Variants in EYS observed in about 807,000 individuals in gnomAD.
EYS encodes the protein protein eyes shut homolog.
Under a neutral mutation model 282.1 loss-of-function variants are expected in EYS, and 250 were observed. The observed-to-expected ratio is 0.89, with a 90% CI of 0.80 to 0.98. EYS has a LOEUF of 0.98. Ranked by LOEUF, EYS falls within the 50% of genes least tolerant of loss-of-function variation. EYS has a pLI of 0.00. For missense variants in EYS, 4,016 were observed against 3,709.0 expected, an observed-to-expected ratio of 1.08 and a Z score of -2.15; for synonymous variants, 1,355 against 1,282.9, an observed-to-expected ratio of 1.06 and a Z score of -1.20.
At chr6:65,115,504 T>G (rs1163683871) in intron 12 of EYS, among the ~76,000 whole-genome samples, 1 of 152,030 alleles carries the variant, frequency 6.6e-6, no homozygotes, top group East Asian at 1.9e-4. Context: ...ATCACATGCT[T>G]TGAAAAAAAT....
chr6:63,740,161 G>A (rs1427557117), intron 41 of EYS, among the ~76,000 whole-genome samples: 1 of 152,180 alleles, frequency 6.6e-6, no homozygotes, highest in Non-Finnish European at 1.5e-5. Context: ...GATATGGTTT[G>A]GCTGTGTCCC....
At chr6:65,298,399 G>C (rs1171236485) in intron 11 of EYS, among the ~76,000 whole-genome samples, 1 of 151,852 alleles carries the variant, frequency 6.6e-6, no homozygotes, top group Non-Finnish European at 1.5e-5. Flanking sequence ...GAAAATTTGG[G>C]GTAGAAACTA....
chr6:64,620,304 C>A (rs76377996), intron 23 of EYS, among the ~76,000 whole-genome samples: 1 of 152,092 alleles, frequency 6.6e-6, no homozygotes, highest in Non-Finnish European at 1.5e-5. Flanking sequence ...AGGCAGCTGC[C>A]GTTTCAATGC....
intron 35 of EYS, among the ~76,000 whole-genome samples, chr6:63,921,147 C>T (rs1208078352): frequency 6.6e-6 from 1 of 152,172 alleles, no homozygotes; most frequent in Non-Finnish European, 1.5e-5. Context: ...CTGCCCGCCT[C>T]GGCATCCCAA....
chr6:64,604,042 C>CT (rs1341648836), intron 24 of EYS, among the ~76,000 whole-genome samples: 18 of 151,902 alleles, frequency 1.2e-4, no homozygotes, highest in African/African-American at 2.4e-5. Context: ...TTATTTCTCT[C>CT]TTTTTTTATT....
intron 12 of EYS, among the ~76,000 whole-genome samples, chr6:65,160,785 C>T (rs555863001): frequency 2.6e-5 from 4 of 150,970 alleles, no homozygotes; most frequent in African/African-American, 9.7e-5. Flanking sequence ...TATGTAAATT[C>T]CATATACCTG....
Position 64,382,869 on chromosome 6 carries a change from GAA to G in EYS, c.6078+5819_6078+5820del, listed in dbSNP as rs534143045. On this transcript the variant is annotated intron_variant, in intron 29 of 42. Transcript: ENST00000503581. The stretch of plus-strand genomic sequence containing the variant: ...AAAGATGCATCAGAGTAAAAAATGG[GAA>G]GAGTGGTGGGTGGGAAAAAGTGGAG... Among the ~76,000 whole-genome samples the G allele has an allele frequency of 2.4e-4, 37 of 152,296 alleles. 1 individual carries two copies. The South Asian group carries it at 2.7e-3, about 11-fold the overall frequency.
chr6:64,541,922 G>A (rs949877112), intron 26 of EYS, among the ~76,000 whole-genome samples: 6 of 152,130 alleles, frequency 3.9e-5, no homozygotes, highest in African/African-American at 1.4e-4. Flanking sequence ...TATTAAATAA[G>A]GAAGTGCTCT....
At chr6:64,452,800 A>G (rs903471509) in intron 26 of EYS, among the ~76,000 whole-genome samples, 1 of 152,222 alleles carries the variant, frequency 6.6e-6, no homozygotes, top group African/African-American at 2.4e-5. Flanking sequence ...AAAACTGGCT[A>G]GCCATATGTA....
intron 13 of EYS, among the ~76,000 whole-genome samples, chr6:65,010,276 T>C (rs773154728): frequency 8.5e-5 from 13 of 152,334 alleles, no homozygotes; most frequent in Middle Eastern, 3.4e-3. Context: ...GCTTAGTATC[T>C]GAAGCAGTTA....
At chr6:64,613,695 A>C (rs1333613683) in intron 24 of EYS, among the ~76,000 whole-genome samples, 1 of 152,102 alleles carries the variant, frequency 6.6e-6, no homozygotes, top group Non-Finnish European at 1.5e-5. Context: ...CTCAGTGTGT[A>C]CGAGCTTGAG....
intron 22 of EYS, among the ~76,000 whole-genome samples, chr6:64,731,764 G>A (rs1373401184): frequency 6.6e-6 from 1 of 152,092 alleles, no homozygotes; most frequent in East Asian, 1.9e-4. Context: ...GATTCCTGAA[G>A]GATCTAGAAC....
intron 14 of EYS, among the ~76,000 whole-genome samples, chr6:64,989,107 G>T (rs966013579): frequency 1.1e-4 from 17 of 151,228 alleles, no homozygotes; most frequent in African/African-American, 4.1e-4. Flanking sequence ...CATTTAATTT[G>T]TGTAACAATT....
intron 28 of EYS, among the ~76,000 whole-genome samples, chr6:64,435,532 C>G (rs1172596672): frequency 1.3e-5 from 2 of 150,050 alleles, no homozygotes; most frequent in Non-Finnish European, 1.5e-5. Context: ...TACATACCAG[C>G]TTATGGCTGT....
chr6:65,539,984 T>A (rs1207282153), intron 2 of EYS, among the ~76,000 whole-genome samples: 1 of 152,234 alleles, frequency 6.6e-6, no homozygotes, highest in Non-Finnish European at 1.5e-5. Context: ...AGCCTTGTTT[T>A]AACATTATTG....
intron 1 of EYS, among the ~76,000 whole-genome samples, chr6:65,681,547 A>G (rs779328662): frequency 6.6e-6 from 1 of 151,930 alleles, no homozygotes; most frequent in Non-Finnish European, 1.5e-5. Flanking sequence ...CTGAATTACA[A>G]TGGTAGGCTA....
chr6:65,386,246 T>C (rs1428737424), intron 7 of EYS, among the ~76,000 whole-genome samples: 1 of 150,494 alleles, frequency 6.6e-6, no homozygotes, highest in Non-Finnish European at 1.5e-5. Context: ...ACCCCCCAAA[T>C]ACTATCTGCA....
intron 26 of EYS, among the ~76,000 whole-genome samples, chr6:64,506,908 T>TAAAAAAAAA (rs530521158): frequency 5.1e-5 from 5 of 97,820 alleles, no homozygotes; most frequent in Admixed American, 1.2e-4. Flanking sequence ...GGCTGTGTCT[T>TAAAAAAAAA]AAAAAAAAAA....
At chr6:63,968,593 T>A (rs1015289730) in intron 35 of EYS, among the ~76,000 whole-genome samples, 1 of 152,212 alleles carries the variant, frequency 6.6e-6, no homozygotes, top group Non-Finnish European at 1.5e-5. Flanking sequence ...CAATTTCAGT[T>A]TGAATATTAG....
Sources: gnomAD v4.1 joint callset for allele counts (sites outside exome capture counted in the v4.1 genomes callset) on GRCh38, gnomAD v4.1.1 for gene constraint, MANE v1.5 for transcripts, NCBI Gene and HGNC (gene_info 2026-07-23, HGNC 2026-07-21) for gene names.